The following UNC5A variants were observed in gnomAD, a reference collection of about 807,000 sequenced individuals.
UNC5A encodes the protein unc-5 netrin receptor A, also known as netrin receptor UNC5A.
A neutral mutation model predicts 87.4 loss-of-function variants in UNC5A; 20 were observed. That is an observed-to-expected ratio of 0.23 (90% confidence interval 0.16 to 0.33). The LOEUF (loss-of-function observed/expected upper bound fraction) is 0.33, where lower values mean the gene tolerates loss of function less well. Among genes scored for constraint, UNC5A ranks in the 10% least tolerant of loss-of-function variants. UNC5A has a pLI of 1.00. For synonymous variants in UNC5A, 438 were observed against 482.3 expected, an observed-to-expected ratio of 0.91 and a Z score of 1.20; for missense variants, 844 against 1,133.4, an observed-to-expected ratio of 0.74 and a Z score of 3.67.
At chr5:176,814,257 A>C (rs1323100936) in intron 1 of UNC5A, among the ~76,000 whole-genome samples, 1 of 151,880 alleles carries the variant, frequency 6.6e-6, no homozygotes, top group Non-Finnish European at 1.5e-5. Flanking sequence ...GGTCAACCCA[A>C]ACCTTGAGCC....
intron 1 of UNC5A, among the ~76,000 whole-genome samples, chr5:176,831,942 G>T (rs1757041186): frequency 7.2e-6 from 1 of 139,800 alleles, no homozygotes; most frequent in African/African-American, 2.9e-5. Flanking sequence ...TGTTGCCCAG[G>T]CTGGAGTGCT....
At chr5:176,858,200 T>C (rs1757713674) in intron 1 of UNC5A, among the ~76,000 whole-genome samples, 1 of 152,208 alleles carries the variant, frequency 6.6e-6, no homozygotes, top group Non-Finnish European at 1.5e-5. Flanking sequence ...CTGCTTCTCC[T>C]GTGACAACAG....
At chr5:176,843,257 G>A (rs933891695) in intron 1 of UNC5A, among the ~76,000 whole-genome samples, 7 of 152,272 alleles carry the variant, frequency 4.6e-5, no homozygotes, top group Admixed American at 3.9e-4. Context: ...ATGCTGTGGT[G>A]CGTCCACACG....
intron 1 of UNC5A, among the ~76,000 whole-genome samples, chr5:176,815,081 C>A (rs933264854): frequency 1.3e-5 from 2 of 152,222 alleles, no homozygotes; most frequent in Admixed American, 6.5e-5. Flanking sequence ...GGGCCACTCA[C>A]GCAAGTTGTA....
chr5:176,810,743 C>T lies in UNC5A; in HGVS notation c.-8C>T. On this transcript the variant is annotated 5_prime_UTR_variant, in exon 1 of 15. Coordinates refer to ENST00000329542, the MANE Select transcript of UNC5A (RefSeq NM_133369.3). This position sits in a 1 kb window ranked among gnomAD's most constrained non-coding sequence, Gnocchi z 7.3. ...GCGCCCGGCCCGCCCGCCTGCCCGC[C>T]CGCGGCCATGGCCGTCCGGCCCGGC... 1 of 1,153,302 alleles carries T rather than the reference C, an allele frequency of 8.7e-7. No homozygotes were observed. Among genetic ancestry groups the T allele is most frequent in the South Asian group, 4.2e-5 (1 of 23,656 alleles). 71.4% of individuals were successfully genotyped at this position (1,153,302 alleles called of 1,614,324 possible). A position where few individuals can be genotyped will look rare whatever the true frequency, so the allele number is the denominator to read the frequency against.
chr5:176,844,695 TCA>T lies in UNC5A; in HGVS notation c.71-17925_71-17924del, dbSNP rs1164265469. On this transcript the variant is annotated intron_variant, in intron 1 of 14. Coordinates refer to ENST00000329542, the MANE Select transcript of UNC5A (RefSeq NM_133369.3). This position sits in a 1 kb window ranked among gnomAD's most constrained non-coding sequence, Gnocchi z 4.2. ...TAAATGCTGCCTTAAACCTCCTACA[TCA>T]CACCCAGGGGTCTGTGGACCACAGT... 6.6e-6 allele frequency among the ~76,000 whole-genome samples: 1 copy of T among 152,184 alleles called. No homozygotes were observed. The highest frequency in any genetic ancestry group is 1.5e-5 in the Non-Finnish European group (1 of 68,038).
At chr5:176,873,898 C>A in intron 6 of UNC5A, 70 bp from the exon 7 acceptor site, 1 of 1,528,130 alleles carries the variant, frequency 6.5e-7, no homozygotes, top group Non-Finnish European at 8.9e-7. Context: ...TCCTGGGGTG[C>A]AGACCACTGA....
At chr5:176,836,803 C>T (rs767829955) in intron 1 of UNC5A, among the ~76,000 whole-genome samples, 6 of 152,198 alleles carry the variant, frequency 3.9e-5, no homozygotes, top group Non-Finnish European at 5.9e-5. Context: ...AGGGAATAAA[C>T]TTTGAAAATC....
chr5:176,856,048 C>G (rs966340274), intron 1 of UNC5A, among the ~76,000 whole-genome samples: 1 of 152,236 alleles, frequency 6.6e-6, no homozygotes, highest in Non-Finnish European at 1.5e-5. Flanking sequence ...CAGCACCCAC[C>G]TCTCCCAGCT....
chr5:176,867,574 A>T (rs991083880), intron 2 of UNC5A, among the ~76,000 whole-genome samples: 8 of 152,214 alleles, frequency 5.3e-5, no homozygotes, highest in African/African-American at 1.9e-4. Context: ...CCATCCCGGC[A>T]CGTGGGAAAC....
intron 1 of UNC5A, among the ~76,000 whole-genome samples, chr5:176,821,194 G>A (rs1395842440): frequency 6.6e-6 from 1 of 152,212 alleles, no homozygotes; most frequent in East Asian, 1.9e-4. Flanking sequence ...TCACGCCGCT[G>A]CACCTGTGCT....
At chr5:176,829,892 T>TTTTTTTTTTTTTTTG (rs1561643558) in intron 1 of UNC5A, among the ~76,000 whole-genome samples, 1 of 146,046 alleles carries the variant, frequency 6.8e-6, no homozygotes, top group Non-Finnish European at 1.5e-5. Flanking sequence ...TTTTTTTTTT[T>TTTTTTTTTTTTTTTG]GAGATGGAAT....
intron 1 of UNC5A, among the ~76,000 whole-genome samples, chr5:176,839,909 T>C (rs2113619486): frequency 6.7e-6 from 1 of 148,916 alleles, no homozygotes; most frequent in Admixed American, 6.7e-5. Context: ...CTCCACCTCC[T>C]GGGTTCAGGC....
At position 176,869,633 on chromosome 5, in the gene UNC5A, G is replaced by A. The variant is rs907702963; in HGVS notation, c.721+669G>A. ...GGCCAGTGAACGGTGGGTGGTCGAC[G>A]TGGACCGAGTGGTCCGTCTGCAGCG... On this transcript the variant is annotated intron_variant, in intron 5 of 14. Transcript: ENST00000329542. The surrounding 1 kb of genome is among the most constrained non-coding windows in gnomAD (Gnocchi z 9.1). 3.1e-5 allele frequency: 22 copies of A among 699,752 alleles called. No homozygotes were observed. Among genetic ancestry groups the A allele is most frequent in the Admixed American group, 1.0e-4 (5 of 49,834 alleles). The allele number at this position is 699,752 out of a possible 1,614,324, so 43.3% of individuals were successfully genotyped here.
At position 176,869,649 on chromosome 5, in the gene UNC5A, G is replaced by A. The variant is rs963664289; in HGVS notation, c.721+685G>A. The A allele has an allele frequency of 2.7e-5, 19 of 699,922 alleles. No homozygotes were observed. The highest frequency in any genetic ancestry group is 2.6e-4 in the Middle Eastern group (1 of 3,890). 43.4% of individuals were successfully genotyped at this position (699,922 alleles called of 1,614,324 possible). On this transcript the variant is annotated intron_variant, in intron 5 of 14. Coordinates refer to ENST00000329542, the MANE Select transcript of UNC5A (RefSeq NM_133369.3). This position sits in a 1 kb window ranked among gnomAD's most constrained non-coding sequence, Gnocchi z 9.1. Reference sequence around the variant, plus strand: ...GTGGTCGACGTGGACCGAGTGGTCCGTCTGCAGCGCCAGCTGTGGGCGCGG... The same window carrying A: ...GTGGTCGACGTGGACCGAGTGGTCCATCTGCAGCGCCAGCTGTGGGCGCGG...
chr5:176,815,721 G>A (rs372283941), intron 1 of UNC5A, among the ~76,000 whole-genome samples: 2 of 152,332 alleles, frequency 1.3e-5, no homozygotes, highest in South Asian at 2.1e-4. Context: ...CCCAGACACA[G>A]GAGAAAAATG....
intron 1 of UNC5A, among the ~76,000 whole-genome samples, chr5:176,837,114 C>T (rs888292694): frequency 1.3e-5 from 2 of 152,168 alleles, no homozygotes; most frequent in East Asian, 3.9e-4. Flanking sequence ...TCCTCCCTCC[C>T]CAGTCCCTCA....
At chr5:176,829,849 C>G (rs1756956421) in intron 1 of UNC5A, among the ~76,000 whole-genome samples, 1 of 149,962 alleles carries the variant, frequency 6.7e-6, no homozygotes, top group East Asian at 1.9e-4. Flanking sequence ...TTACCACAGG[C>G]CTCCAACCCT....
In UNC5A at chr5:176,824,561, A is replaced by G. The variant is rs544492389; in HGVS notation, c.70+13741A>G. ...ACGCGGCAGATAGAACATTCTAAAA[A>G]AAAAAGAGAGAAAGAGAGAGAATTC... On this transcript the variant is annotated intron_variant, in intron 1 of 14. Coordinates refer to ENST00000329542, the MANE Select transcript of UNC5A (RefSeq NM_133369.3). The surrounding 1 kb of genome is among the most constrained non-coding windows in gnomAD (Gnocchi z 4.2). Among the ~76,000 whole-genome samples the G allele has an allele frequency of 6.6e-6, 1 of 152,250 alleles. No individual in the cohort carries two copies. The highest frequency in any genetic ancestry group is 2.4e-5 in the African/African-American group (1 of 41,548).
Sources: gnomAD v4.1 joint callset for allele counts (sites outside exome capture counted in the v4.1 genomes callset) on GRCh38, gnomAD v4.1.1 for gene constraint, Gnocchi (gnomAD v3.1) non-coding constraint, MANE v1.5 for transcripts, NCBI Gene and HGNC (gene_info 2026-07-23, HGNC 2026-07-21) for gene names.